Variants in CTNND2 observed in about 807,000 individuals in gnomAD.
The protein encoded by CTNND2 is catenin delta-2.
Under a neutral mutation model 144.4 loss-of-function variants are expected in CTNND2, and 22 were observed. That is an observed-to-expected ratio of 0.15 (90% confidence interval 0.11 to 0.22). CTNND2 has a LOEUF of 0.22. Among genes scored for constraint, CTNND2 ranks in the 10% least tolerant of loss-of-function variants. The pLI, the probability that CTNND2 is intolerant of heterozygous loss-of-function variation, is 1.00. For synonymous variants in CTNND2, 751 were observed against 695.6 expected, an observed-to-expected ratio of 1.08 and a Z score of -1.25; for missense variants, 1,353 against 1,618.8, an observed-to-expected ratio of 0.84 and a Z score of 2.82.
rs1371262870 is a variant in CTNND2, at chr5:11,643,215, AT to A, written c.175-78160del. Among the ~76,000 whole-genome samples the A allele has an allele frequency of 3.1e-5, 4 of 130,484 alleles. No homozygotes were observed. In the East Asian group the frequency reaches 8.1e-4, roughly 26 times the overall value. 85.6% of individuals were successfully genotyped at this position (130,484 alleles called of 152,430 possible). A position where few individuals can be genotyped will look rare whatever the true frequency, so the allele number is the denominator to read the frequency against. On this transcript the variant is annotated intron_variant, in intron 2 of 21. Transcript: ENST00000304623. ...TTTTAGTTCATACATTTAATATTTT[AT>A]TTTTTATTTTTGTTTTTTTAATTTT...
chr5:11,412,875 T>C (rs547582065), intron 3 of CTNND2, among the ~76,000 whole-genome samples: 21 of 152,320 alleles, frequency 1.4e-4, no homozygotes, highest in Middle Eastern at 3.4e-3. Context: ...ACTTATTTCA[T>C]GATATTTTAC....
chr5:10,981,687 T>C, intron 21 of CTNND2, 86 bp downstream of exon 21: 6 of 1,305,898 alleles, frequency 4.6e-6, no homozygotes, highest in Non-Finnish European at 6.6e-6. Context: ...TTATGTATGT[T>C]GGATGAAAGT....
At chr5:11,381,681 T>C (rs1414916824) in intron 7 of CTNND2, among the ~76,000 whole-genome samples, 3 of 152,118 alleles carry the variant, frequency 2.0e-5, no homozygotes, top group African/African-American at 7.2e-5. Flanking sequence ...AAACAAAATA[T>C]TGGGGACCAG....
intron 16 of CTNND2, among the ~76,000 whole-genome samples, chr5:11,073,733 G>A (rs886711938): frequency 2.0e-5 from 3 of 152,168 alleles, no homozygotes; most frequent in Non-Finnish European, 4.4e-5. Flanking sequence ...TAGGAGATGG[G>A]AGCTGTAACA....
chr5:10,994,614 C>T (rs1271560957), intron 18 of CTNND2, among the ~76,000 whole-genome samples: 3 of 151,990 alleles, frequency 2.0e-5, no homozygotes, highest in Non-Finnish European at 2.9e-5. Flanking sequence ...TGAACCAGAC[C>T]CTGGTGACAC....
chr5:11,330,706 T>A (rs1418371832), intron 9 of CTNND2, among the ~76,000 whole-genome samples: 1 of 148,824 alleles, frequency 6.7e-6, no homozygotes, highest in Non-Finnish European at 1.5e-5. Context: ...TCACTTGAAC[T>A]GAGGAGGCAG....
intron 11 of CTNND2, among the ~76,000 whole-genome samples, chr5:11,160,171 T>C (rs1204974412): frequency 6.6e-6 from 1 of 152,216 alleles, no homozygotes; most frequent in Non-Finnish European, 1.5e-5. Flanking sequence ...AGTGTGCACA[T>C]GTGGTTGCCA....
intron 1 of CTNND2, among the ~76,000 whole-genome samples, chr5:11,840,948 A>T (rs1485608371): frequency 6.6e-6 from 1 of 152,208 alleles, no homozygotes; most frequent in Non-Finnish European, 1.5e-5. Flanking sequence ...AAATATTTTT[A>T]TGTTGATAAA....
chr5:11,014,318 C>T (rs1741387220), intron 18 of CTNND2, among the ~76,000 whole-genome samples: 1 of 152,150 alleles, frequency 6.6e-6, no homozygotes, highest in South Asian at 2.1e-4. Flanking sequence ...CTTTTTAAGT[C>T]CCAAGGTTCT....
chr5:11,853,802 C>T (rs542766597), intron 1 of CTNND2, among the ~76,000 whole-genome samples: 4 of 152,338 alleles, frequency 2.6e-5, no homozygotes, highest in African/African-American at 9.6e-5. Flanking sequence ...GTTGATTCTA[C>T]CTTCTGGATA....
chr5:11,048,566 T>C (rs1745516621), intron 16 of CTNND2, among the ~76,000 whole-genome samples: 1 of 152,178 alleles, frequency 6.6e-6, no homozygotes, highest in Non-Finnish European at 1.5e-5. Context: ...CATGGATGCA[T>C]AACTTAAACA....
At chr5:11,743,534 C>T (rs1788138199) in intron 1 of CTNND2, among the ~76,000 whole-genome samples, 2 of 152,124 alleles carry the variant, frequency 1.3e-5, no homozygotes, top group Admixed American at 6.6e-5. Flanking sequence ...TCTGGCAAAA[C>T]ATATAGAGAA....
intron 1 of CTNND2, among the ~76,000 whole-genome samples, chr5:11,805,435 G>A (rs10053553): frequency 0.1 from 15,144 of 151,992 alleles, 1,790 homozygotes; most frequent in African/African-American, 0.28. Flanking sequence ...CACGGCTCCT[G>A]GAAGAAATGG....
At chr5:11,554,836 A>C (rs1163588504) in intron 3 of CTNND2, among the ~76,000 whole-genome samples, 2 of 151,860 alleles carry the variant, frequency 1.3e-5, no homozygotes, top group Admixed American at 1.3e-4. Context: ...AACTATGATG[A>C]ATATCAAAAT....
At chr5:11,547,950 C>A (rs1775389601) in intron 3 of CTNND2, among the ~76,000 whole-genome samples, 3 of 152,018 alleles carry the variant, frequency 2.0e-5, no homozygotes, top group African/African-American at 7.2e-5. Flanking sequence ...ATGTCCCTAG[C>A]GATATATTTA....
intron 16 of CTNND2, among the ~76,000 whole-genome samples, chr5:11,064,630 G>A (rs1580180880): frequency 6.6e-6 from 1 of 152,014 alleles, no homozygotes; most frequent in Non-Finnish European, 1.5e-5. Context: ...CAAGACCAAA[G>A]TTGGCCTACA....
At chr5:11,588,802 G>A (rs1779037642) in intron 2 of CTNND2, 7 of 985,140 alleles carry the variant, frequency 7.1e-6, no homozygotes, top group Non-Finnish European at 7.2e-6. Flanking sequence ...CAAACAAGAC[G>A]ACTAGTCCCA....
intron 9 of CTNND2, among the ~76,000 whole-genome samples, chr5:11,340,222 G>A (rs946144997): frequency 2.0e-5 from 3 of 152,244 alleles, no homozygotes; most frequent in South Asian, 2.1e-4. Flanking sequence ...CTCCTCCCGC[G>A]GTACCGCTTT....
chr5:11,730,369 G>A (rs1017552114), intron 2 of CTNND2, among the ~76,000 whole-genome samples: 3 of 151,872 alleles, frequency 2.0e-5, no homozygotes, highest in Non-Finnish European at 4.4e-5. Context: ...TCCAGATGTC[G>A]AGTCAGTTAT....
Sources: gnomAD v4.1 joint callset for allele counts (sites outside exome capture counted in the v4.1 genomes callset) on GRCh38, gnomAD v4.1.1 for gene constraint, MANE v1.5 for transcripts, NCBI Gene and HGNC (gene_info 2026-07-23, HGNC 2026-07-21) for gene names.